SHANK2: variants seen among roughly 807,000 people sequenced by gnomAD.
The protein encoded by SHANK2 is SH3 and multiple ankyrin repeat domains 2.
Under a neutral mutation model 133.7 loss-of-function variants are expected in SHANK2, and 43 were observed. The ratio of observed to expected loss-of-function variants is 0.32; its 90% CI spans 0.25 to 0.41. The LOEUF (loss-of-function observed/expected upper bound fraction) is 0.41. Ranked by LOEUF, SHANK2 falls within the 10% of genes least tolerant of loss-of-function variation. The probability of loss-of-function intolerance (pLI) is 1.00; values close to 1 mark genes in which losing one functional copy is unlikely to be tolerated. For synonymous variants in SHANK2, 1,017 were observed against 952.8 expected, an observed-to-expected ratio of 1.07 and a Z score of -1.24; for missense variants, 1,994 against 2,235.8, an observed-to-expected ratio of 0.89 and a Z score of 2.18.
intron 1 of SHANK2, among the ~76,000 whole-genome samples, chr11:71,229,032 T>C (rs1193281681): frequency 6.6e-6 from 1 of 152,134 alleles, no homozygotes; most frequent in Non-Finnish European, 1.5e-5. Flanking sequence ...TTTAACAAAA[T>C]TCAGCATCTT....
intron 15 of SHANK2, among the ~76,000 whole-genome samples, chr11:70,692,166 G>A (rs1346310602): frequency 6.6e-6 from 1 of 152,134 alleles, no homozygotes; most frequent in Non-Finnish European, 1.5e-5. Flanking sequence ...AATAATGGCG[G>A]AGGAAGAATG....
intron 14 of SHANK2, among the ~76,000 whole-genome samples, chr11:70,703,857 T>A (rs1945599282): frequency 6.6e-6 from 1 of 152,220 alleles, no homozygotes; most frequent in Non-Finnish European, 1.5e-5. Context: ...GGACCAGCCC[T>A]TTCTCAGCTC....
intron 11 of SHANK2, among the ~76,000 whole-genome samples, chr11:70,848,393 C>T (rs1314403365): frequency 6.6e-6 from 1 of 152,200 alleles, no homozygotes; most frequent in African/African-American, 2.4e-5. Context: ...CCCGTTCCCG[C>T]CACTTCCCAA....
At chr11:70,755,543 G>A (rs782335150) in intron 14 of SHANK2, among the ~76,000 whole-genome samples, 14 of 152,212 alleles carry the variant, frequency 9.2e-5, no homozygotes, top group Admixed American at 2.6e-4. Flanking sequence ...TTCCAGGCAC[G>A]TCCCCAGCCC....
chr11:71,093,614 C>T (rs1951556121), intron 7 of SHANK2, among the ~76,000 whole-genome samples: 2 of 152,186 alleles, frequency 1.3e-5, no homozygotes, highest in East Asian at 3.9e-4. Flanking sequence ...CAGGAACTGC[C>T]TGCTCCCGCT....
chr11:70,733,439 GA>G (rs1408185308), intron 14 of SHANK2, among the ~76,000 whole-genome samples: 1 of 152,216 alleles, frequency 6.6e-6, no homozygotes, highest in East Asian at 1.9e-4. Flanking sequence ...AAAAGAATGT[GA>G]GAGGCTCCAT....
chr11:70,618,074 A>T (rs1319433837), intron 17 of SHANK2, among the ~76,000 whole-genome samples: 1 of 152,154 alleles, frequency 6.6e-6, no homozygotes, highest in Non-Finnish European at 1.5e-5. Flanking sequence ...AGGCAGGTGG[A>T]TCACTTGAAG....
intron 2 of SHANK2, among the ~76,000 whole-genome samples, chr11:71,171,724 G>A (rs541902113): frequency 3.9e-5 from 6 of 152,252 alleles, no homozygotes; most frequent in Non-Finnish European, 8.8e-5. Context: ...ACACGCCCAC[G>A]ATAACACTTT....
At chr11:70,620,014 G>T (rs1359725025) in intron 17 of SHANK2, among the ~76,000 whole-genome samples, 1 of 152,146 alleles carries the variant, frequency 6.6e-6, no homozygotes, top group East Asian at 1.9e-4. Flanking sequence ...TTTAAGACTG[G>T]AACAGAATGT....
At chr11:70,778,050 C>T (rs1555044322) in intron 14 of SHANK2, among the ~76,000 whole-genome samples, 1 of 152,188 alleles carries the variant, frequency 6.6e-6, no homozygotes, top group Non-Finnish European at 1.5e-5. Context: ...TGAATTCATT[C>T]CCCTCTCATA....
rs567555283 is a variant in SHANK2 at position 70,600,281 on chromosome 11, C to T, written c.2061+59547G>A. On this transcript the variant is annotated intron_variant, in intron 17 of 25. Transcript: ENST00000601538. ...TAAGAACACAAAAATTAGCCGGGCG[C>T]GGTGGTGCAAACCTGTAATCCCAGC... 6.3e-4 allele frequency among the ~76,000 whole-genome samples: 95 copies of T among 151,312 alleles called. 1 individual carries two copies. The highest frequency in any genetic ancestry group is 2.1e-3 in the African/African-American group (85 of 41,240).
intron 14 of SHANK2, among the ~76,000 whole-genome samples, chr11:70,792,062 A>T (rs950464279): frequency 6.6e-6 from 1 of 152,200 alleles, no homozygotes; most frequent in Non-Finnish European, 1.5e-5. Flanking sequence ...GTATCATTTG[A>T]CCAACCATCC....
chr11:71,164,654 T>G (rs1332473748), intron 2 of SHANK2, among the ~76,000 whole-genome samples: 1 of 152,244 alleles, frequency 6.6e-6, no homozygotes, highest in Non-Finnish European at 1.5e-5. Flanking sequence ...CGATGAAATG[T>G]CACTGGTAAA....
At chr11:70,691,424 G>A (rs902808488) in intron 15 of SHANK2, among the ~76,000 whole-genome samples, 7 of 152,114 alleles carry the variant, frequency 4.6e-5, no homozygotes, top group Non-Finnish European at 8.8e-5. Context: ...ACTCCCTGGA[G>A]AAATGGCTCA....
chr11:70,916,599 C>T (rs782682479), intron 10 of SHANK2, among the ~76,000 whole-genome samples: 3 of 152,146 alleles, frequency 2.0e-5, no homozygotes, highest in Non-Finnish European at 2.9e-5. Context: ...CATGATTCAC[C>T]GGCAAGAGGA....
intron 17 of SHANK2, among the ~76,000 whole-genome samples, chr11:70,636,001 G>T (rs567212220): frequency 9.2e-5 from 14 of 152,348 alleles, no homozygotes; most frequent in Admixed American, 6.5e-4. Flanking sequence ...GTCTTTCCCT[G>T]GTCCAGGTGG....
rs782216972 is a variant in SHANK2 at position 70,486,186 on chromosome 11, G to A, written c.4107C>T (p.Thr1369=). 14 of 1,613,102 alleles carry A rather than the reference G, an allele frequency of 8.7e-6. No homozygotes were observed. In the East Asian group the frequency reaches 1.8e-4, roughly 21 times the overall value. ...LQISAAPEPT[T]VPGRTIVAVG... ...CCGCGACGATGGTTCTGCCGGGCAC[G>A]GTGGTGGGCTCGGGGGCAGCGGAGA... is the stretch of plus-strand genomic sequence containing the variant. Residue 1369 remains threonine, a synonymous_variant, in exon 25 of 26, where the codon ACC becomes ACT. Transcript: ENST00000601538. This position sits in a 1 kb window ranked among gnomAD's most constrained non-coding sequence, Gnocchi z 8.0.
At chr11:70,564,332 C>T (rs1554981460) in intron 17 of SHANK2, among the ~76,000 whole-genome samples, 1 of 151,826 alleles carries the variant, frequency 6.6e-6, no homozygotes. Flanking sequence ...GATCTCAGCT[C>T]ATTGCAACCT....
At chr11:70,599,816 AGAAGGAAGGAAG>A (rs139806999) in intron 17 of SHANK2, among the ~76,000 whole-genome samples, 10 of 136,530 alleles carry the variant, frequency 7.3e-5, no homozygotes, top group Non-Finnish European at 1.3e-4. Flanking sequence ...AAGAAGAGGG[AGAAGGAAGGAAG>A]GAAGGAAGGA....
Sources: allele counts gnomAD v4.1 joint callset (sites outside exome capture counted in the v4.1 genomes callset), GRCh38; gene constraint gnomAD v4.1.1; non-coding constraint Gnocchi (gnomAD v3.1); transcripts MANE v1.5; gene names NCBI Gene and HGNC (gene_info 2026-07-23, HGNC 2026-07-21).